Variants in MIPOL1 observed in about 807,000 individuals in gnomAD.
MIPOL1 encodes the protein mirror-image polydactyly gene 1 protein.
MIPOL1 carries 57 observed loss-of-function variants against 60.9 expected under a neutral mutation model. The observed-to-expected ratio is 0.94, with a 90% confidence interval of 0.76 to 1.17. The LOEUF (loss-of-function observed/expected upper bound fraction) is 1.17, where lower values mean the gene tolerates loss of function less well. Among genes scored for constraint, MIPOL1 ranks in the 50% most tolerant of loss-of-function variants. The pLI, the probability that MIPOL1 is intolerant of heterozygous loss-of-function variation, is 0.00. For synonymous variants in MIPOL1, 179 were observed against 168.8 expected (o/e 1.06, Z -0.47); for missense variants, 551 against 511.6 (o/e 1.08, Z -0.74).
At chr14:37,527,377 G>A (rs1164409818) in intron 12 of MIPOL1, among the ~76,000 whole-genome samples, 1 of 152,008 alleles carries the variant, frequency 6.6e-6, no homozygotes, top group East Asian at 1.9e-4. Context: ...CATTAGAACT[G>A]TTTGTAAACT....
intron 11 of MIPOL1, among the ~76,000 whole-genome samples, chr14:37,497,635 G>T (rs2095152140): frequency 6.6e-6 from 1 of 152,184 alleles, no homozygotes; most frequent in South Asian, 2.1e-4. Flanking sequence ...GAGCCCAGGA[G>T]TTCAAGGTCA....
intron 12 of MIPOL1, among the ~76,000 whole-genome samples, chr14:37,532,333 C>T (rs1594903071): frequency 6.6e-6 from 1 of 152,168 alleles, no homozygotes; most frequent in East Asian, 1.9e-4. Context: ...TAATGTGTTC[C>T]TATGTTACTA....
chr14:37,410,569 A>G (rs2093664846), intron 10 of MIPOL1, among the ~76,000 whole-genome samples: 2 of 152,154 alleles, frequency 1.3e-5, no homozygotes, highest in Admixed American at 1.3e-4. Context: ...CCAGGAAGGA[A>G]TCGGAACACA....
At chr14:37,299,623 A>G (rs560515707) in intron 7 of MIPOL1, among the ~76,000 whole-genome samples, 10 of 152,204 alleles carry the variant, frequency 6.6e-5, no homozygotes, top group Non-Finnish European at 1.3e-4. Context: ...AAAAGTGTAG[A>G]ATAGTTTTAT....
At chr14:37,528,238 C>G (rs2095459375) in intron 12 of MIPOL1, among the ~76,000 whole-genome samples, 1 of 151,904 alleles carries the variant, frequency 6.6e-6, no homozygotes, top group Non-Finnish European at 1.5e-5. Context: ...CTGATTGTTT[C>G]ACTTAGCATA....
At position 37,550,302 on chromosome 14, in the gene MIPOL1, T is replaced by G. The variant is rs2095558707; in HGVS notation, c.*3331T>G. ...AAAAACATTTTATATGTACTATTCT[T>G]AAAGATCACAATTATTTTTAAACTT... On this transcript the variant is annotated 3_prime_UTR_variant, in exon 13 of 13. Transcript: ENST00000684589. 6.6e-6 allele frequency: 1 copy of G among 151,312 alleles called. No individual in the cohort carries two copies. Among genetic ancestry groups the G allele is most frequent in the Non-Finnish European group, 1.5e-5 (1 of 67,678 alleles). 9.4% of individuals were successfully genotyped at this position (151,312 alleles called of 1,614,324 possible).
intron 10 of MIPOL1, among the ~76,000 whole-genome samples, chr14:37,396,501 T>C (rs2093374526): frequency 6.6e-6 from 1 of 152,168 alleles, no homozygotes; most frequent in Non-Finnish European, 1.5e-5. Flanking sequence ...TTGTGCTTCT[T>C]GTATTTGGAT....
At chr14:37,372,533 C>A (rs562630938) in intron 10 of MIPOL1, among the ~76,000 whole-genome samples, 2 of 152,054 alleles carry the variant, frequency 1.3e-5, no homozygotes, top group Admixed American at 6.6e-5. Context: ...ATGGGTGGAT[C>A]ACTTGGGGTC....
chr14:37,238,952 C>CA (rs1304668625), intron 1 of MIPOL1, among the ~76,000 whole-genome samples: 14 of 144,492 alleles, frequency 9.7e-5, no homozygotes, highest in Admixed American at 6.9e-4. Context: ...GACCCAGTCT[C>CA]AAAAAAAAAG....
At chr14:37,483,114 C>CTTT (rs35311326) in intron 11 of MIPOL1, among the ~76,000 whole-genome samples, 28 of 140,860 alleles carry the variant, frequency 2.0e-4, no homozygotes, top group African/African-American at 6.6e-4. Context: ...TAGACACAAC[C>CTTT]TTTTTTTTTT....
At chr14:37,293,577 G>A (rs868262668) in intron 7 of MIPOL1, among the ~76,000 whole-genome samples, 10 of 152,198 alleles carry the variant, frequency 6.6e-5, no homozygotes, top group South Asian at 4.1e-4. Flanking sequence ...AGGGGTGACA[G>A]ACGGCACCTG....
At chr14:37,238,494 T>G (rs1971833158) in intron 1 of MIPOL1, among the ~76,000 whole-genome samples, 2 of 152,190 alleles carry the variant, frequency 1.3e-5, no homozygotes, top group South Asian at 4.1e-4. Context: ...AGGATAAATA[T>G]TCAGTTTTGG....
intron 6 of MIPOL1, among the ~76,000 whole-genome samples, chr14:37,274,142 C>T (rs1310896782): frequency 2.0e-5 from 3 of 151,454 alleles, no homozygotes; most frequent in Non-Finnish European, 3.0e-5. Context: ...ATACATTTTA[C>T]TCAAATGTGA....
chr14:37,412,539 T>A (rs889058088), intron 10 of MIPOL1, among the ~76,000 whole-genome samples: 1 of 152,104 alleles, frequency 6.6e-6, no homozygotes, highest in Non-Finnish European at 1.5e-5. Flanking sequence ...ACAAGATTAA[T>A]GTTGAGCAAA....
intron 9 of MIPOL1, among the ~76,000 whole-genome samples, chr14:37,349,686 C>T (rs71405790): frequency 0.12 from 18,700 of 152,150 alleles, 1,240 homozygotes; most frequent in South Asian, 0.24. Flanking sequence ...TCTGTTGGCA[C>T]TCTGTATGCC....
intron 1 of MIPOL1, among the ~76,000 whole-genome samples, chr14:37,231,975 A>G (rs1970708505): frequency 6.6e-6 from 1 of 152,056 alleles, no homozygotes; most frequent in Admixed American, 6.6e-5. Flanking sequence ...TAAGCTACTC[A>G]GGAGGCTGAG....
At chr14:37,513,954 G>A (rs886178892) in intron 12 of MIPOL1, among the ~76,000 whole-genome samples, 2 of 151,992 alleles carry the variant, frequency 1.3e-5, no homozygotes, top group Admixed American at 1.3e-4. Flanking sequence ...TTGGCTTTTG[G>A]TTTTTATTAA....
chr14:37,256,963 A>G (rs1975040108), intron 3 of MIPOL1, among the ~76,000 whole-genome samples: 1 of 151,974 alleles, frequency 6.6e-6, no homozygotes, highest in African/African-American at 2.4e-5. Context: ...GCTAACTCTA[A>G]CAAGGGGCTG....
intron 11 of MIPOL1, among the ~76,000 whole-genome samples, chr14:37,454,253 A>G (rs182026914): frequency 6.6e-6 from 1 of 152,298 alleles, no homozygotes; most frequent in African/African-American, 2.4e-5. Context: ...CAACTGGATT[A>G]CAGGCCTCAG....
Sources: gnomAD v4.1 joint callset for allele counts (sites outside exome capture counted in the v4.1 genomes callset) on GRCh38, gnomAD v4.1.1 for gene constraint, MANE v1.5 for transcripts, NCBI Gene and HGNC (gene_info 2026-07-23, HGNC 2026-07-21) for gene names.